The following NIN variants were observed in gnomAD, a reference collection of about 807,000 sequenced individuals.
NIN encodes glycogen synthase kinase 3 beta-interacting protein.
In NIN, 137 loss-of-function variants were observed where a neutral mutation model predicts 257.6. The ratio of observed to expected loss-of-function variants is 0.53; its 90% CI spans 0.46 to 0.61. NIN has a LOEUF of 0.61. Among genes scored for constraint, NIN ranks in the 20% least tolerant of loss-of-function variants. NIN has a pLI of 0.00. For missense variants in NIN, 2,439 were observed against 2,501.2 expected, an observed-to-expected ratio of 0.98 and a Z score of 0.53; for synonymous variants, 918 against 919.8, an observed-to-expected ratio of 1.00 and a Z score of 0.04.
upstream of NIN, among the ~76,000 whole-genome samples, chr14:50,831,365 C>A (rs990517733): frequency 2.1e-4 from 32 of 152,232 alleles, no homozygotes; most frequent in Non-Finnish European, 2.5e-4. Context: ...AGGAGGCTGG[C>A]GCCCCGAGGT....
Position 50,771,454 on chromosome 14 carries a change from G to C in NIN, c.996C>G (p.Ser332Arg). Residue 332 changes from serine to arginine, a missense_variant, in exon 10 of 31, where the codon AGC (serine) becomes AGG (arginine). Physicochemically the swap from Ser to Arg is moderately radical, Grantham distance 110. This residue lies in a region of NIN where 387 missense variants were observed against 427.3 expected (regional missense o/e 0.91). Coordinates refer to ENST00000530997, the MANE Select transcript of NIN (RefSeq NM_020921.4). ...SQEILKALDFSLDGNINLTEL... is the reference protein window; with the variant it reads ...SQEILKALDFRLDGNINLTEL... ...CTGTCAAATTGATGTTTCCATCGAG[G>C]CTGAAATCCAAGGCCTAGAAATCAG... 6.2e-7 allele frequency: 1 copy of C among 1,614,090 alleles called. No individual in the cohort carries two copies. Among genetic ancestry groups the C allele is most frequent in the South Asian group, 1.1e-5 (1 of 91,064 alleles).
rs189155478 is a variant in NIN at position 50,734,246 on chromosome 14, C to T, written c.5877+1270G>A. ...CTAGGATCACAGGTGCCCACCACCA[C>T]GCCCAGCTAATTTTTTTGTATTTTT... On this transcript the variant is annotated intron_variant, in intron 28 of 30. Transcript: ENST00000530997. 3.8e-4 allele frequency among the ~76,000 whole-genome samples: 58 copies of T among 152,054 alleles called. 1 individual carries two copies. The highest frequency in any genetic ancestry group is 2.4e-3 in the Admixed American group (36 of 15,268).
intron 25 of NIN, among the ~76,000 whole-genome samples, chr14:50,740,476 G>T (rs1322490861): frequency 6.6e-6 from 1 of 152,172 alleles, no homozygotes; most frequent in Non-Finnish European, 1.5e-5. Flanking sequence ...AGCCTCCCGA[G>T]TAGCTGGGAT....
At chr14:50,734,579 G>A (rs1162413486) in intron 28 of NIN, among the ~76,000 whole-genome samples, 1 of 152,208 alleles carries the variant, frequency 6.6e-6, no homozygotes, top group Non-Finnish European at 1.5e-5. Flanking sequence ...GTACACATAA[G>A]TTTGTTATAT....
intron 6 of NIN, among the ~76,000 whole-genome samples, chr14:50,777,469 G>A (rs761374089): frequency 1.3e-5 from 2 of 152,182 alleles, no homozygotes; most frequent in Non-Finnish European, 2.9e-5. Flanking sequence ...GAGAAAGAAG[G>A]CTGGTTGAGG....
chr14:50,780,992 C>A, intron 5 of NIN, among the ~76,000 whole-genome samples: 1 of 152,150 alleles, frequency 6.6e-6, no homozygotes. Flanking sequence ...CTTACATTCT[C>A]ATTTCTGGTC....
At chr14:50,758,651 G>C (rs751029419) in intron 17 of NIN, 21 bp from the exon 18 acceptor site, 1 of 1,525,530 alleles carries the variant, frequency 6.6e-7, no homozygotes, top group South Asian at 1.3e-5. Flanking sequence ...TCAACATACA[G>C]CATTATTGAA....
chr14:50,742,886 TAATA>T (rs1384176702), intron 24 of NIN, among the ~76,000 whole-genome samples: 2 of 152,248 alleles, frequency 1.3e-5, no homozygotes, highest in Non-Finnish European at 2.9e-5. Flanking sequence ...CCTTCATAAT[TAATA>T]AACTTTGATG....
At chr14:50,809,854 T>C (rs887878359) in intron 3 of NIN, among the ~76,000 whole-genome samples, 7 of 152,170 alleles carry the variant, frequency 4.6e-5, no homozygotes, top group Non-Finnish European at 8.8e-5. Context: ...GGAGTTTATT[T>C]CACAGCCTCA....
intron 4 of NIN, among the ~76,000 whole-genome samples, chr14:50,802,724 C>T (rs1222163551): frequency 6.6e-6 from 1 of 152,146 alleles, no homozygotes; most frequent in Non-Finnish European, 1.5e-5. Context: ...TTTTTCAGCA[C>T]AACCACTTTC....
In NIN at chr14:50,735,504, T is replaced by A. The variant is rs776874157; in HGVS notation, c.5877+12A>T. 3.7e-6 allele frequency: 6 copies of A among 1,612,296 alleles called. No homozygotes were observed. The African/African-American group carries it at 8.0e-5, about 22-fold the overall frequency. On this transcript the variant is annotated intron_variant, in intron 28 of 30. Transcript: ENST00000530997. ...ATTCTTCATAGCTAAGGCCATCTGC[T>A]GAGAAACTTACCTCCATGAGCTGCT...
At position 50,819,441 on chromosome 14, in the gene NIN, T is replaced by C. The variant is rs562808543; in HGVS notation, c.183+2433A>G. Among the ~76,000 whole-genome samples the C allele has an allele frequency of 3.9e-5, 6 of 152,290 alleles. No individual in the cohort carries two copies. In the South Asian group the frequency reaches 6.2e-4, roughly 16 times the overall value. On this transcript the variant is annotated intron_variant, in intron 3 of 30. Coordinates refer to ENST00000530997, the MANE Select transcript of NIN (RefSeq NM_020921.4). ...AGTGAATAAATCTCACGAGATCTGA[T>C]GGTTTTATAAGGGGTTTCCCCTTTT...
intron 30 of NIN, among the ~76,000 whole-genome samples, chr14:50,725,184 G>T (rs1457295780): frequency 6.6e-6 from 1 of 152,060 alleles, no homozygotes; most frequent in Non-Finnish European, 1.5e-5. Flanking sequence ...CCCTCTCTTG[G>T]GGTTGTTATT....
intron 3 of NIN, among the ~76,000 whole-genome samples, chr14:50,809,515 C>A (rs1314217596): frequency 3.3e-5 from 5 of 152,178 alleles, no homozygotes; most frequent in Non-Finnish European, 7.3e-5. Flanking sequence ...GAAGAAGGTT[C>A]TCTTTCAAAA....
chr14:50,799,511 C>T (rs1463214879), intron 4 of NIN, among the ~76,000 whole-genome samples: 1 of 152,146 alleles, frequency 6.6e-6, no homozygotes, highest in African/African-American at 2.4e-5. Context: ...TGACGTTATC[C>T]AGTTCGTCAC....
Position 50,757,620 on chromosome 14 carries a change from CCTT to C in NIN, c.3407_3409del (p.Glu1136del). 1 of 1,614,152 alleles carries C rather than the reference CCTT, an allele frequency of 6.2e-7. No individual in the cohort carries two copies. The stretch of plus-strand genomic sequence containing the variant: ...ACTTAGGACATGCCGCCTGGTCACA[CCTT>C]CTACTTGCTTCGTTCGGTTTTGCTG... On this transcript the variant is annotated inframe_deletion, in exon 18 of 31. Transcript: ENST00000530997.
chr14:50,789,322 C>G lies in NIN; in HGVS notation c.435+3390G>C, dbSNP rs1435721178. Reference sequence around the variant, plus strand: ...GGGAGCGGTGGCTCACGCCTGTAATCCCAGCACTTTGGGAGGCCGAGGCAG... The same window carrying G: ...GGGAGCGGTGGCTCACGCCTGTAATGCCAGCACTTTGGGAGGCCGAGGCAG... On this transcript the variant is annotated intron_variant, in intron 5 of 30. Coordinates refer to ENST00000530997, the MANE Select transcript of NIN (RefSeq NM_020921.4). Among the ~76,000 whole-genome samples the G allele has an allele frequency of 2.6e-5, 4 of 152,110 alleles. No homozygotes were observed. The East Asian group carries it at 7.7e-4, about 29-fold the overall frequency.
Position 50,758,475 on chromosome 14 carries a change from C to T in NIN, c.2555G>A (p.Arg852His), listed in dbSNP as rs773010615. Residue 852 changes from arginine to histidine, a missense_variant, in exon 18 of 31, where the codon CGT becomes CAT. By Grantham distance (29) the Arg-to-His change is conservative. Around this residue, in one of 3 missense-constraint regions of NIN, gnomAD observed 2,043 missense variants for 2,050.2 expected, o/e 1.00. Coordinates refer to ENST00000530997, the MANE Select transcript of NIN (RefSeq NM_020921.4). Reference protein sequence around the residue: ...QELKDLQEQQREEKSQWEFEK... With the variant: ...QELKDLQEQQHEEKSQWEFEK... ...AAATTCCCACTGGGATTTCTCCTCA[C>T]GCTGCTGTTCCTGGAGGTCCTTCAG... The T allele has an allele frequency of 1.1e-5, 17 of 1,614,214 alleles. No homozygotes were observed. In the East Asian group the frequency reaches 1.6e-4, roughly 15 times the overall value.
In NIN at chr14:50,791,807, G is replaced by GCACACACAAACACACACACACA. The variant is rs57083345; in HGVS notation, c.435+904_435+905insTGTGTGTGTGTGTTTGTGTGTG. ...CCACAATGAACACACAGGTGCACGC[G>GCACACACAAACACACACACACA]CACACACACACACACACACACACAC... On this transcript the variant is annotated intron_variant, in intron 5 of 30. Coordinates refer to ENST00000530997, the MANE Select transcript of NIN (RefSeq NM_020921.4). Among the ~76,000 whole-genome samples the GCACACACAAACACACACACACA allele has an allele frequency of 1.3e-3, 149 of 116,770 alleles. 2 individuals carry two copies. The highest frequency in any genetic ancestry group is 5.2e-3 in the African/African-American group (120 of 23,092). The allele number at this position is 116,770 out of a possible 152,430, so 76.6% of individuals were successfully genotyped here.
Sources: gnomAD v4.1 joint callset for allele counts (sites outside exome capture counted in the v4.1 genomes callset) on GRCh38, gnomAD v4.1.1 for gene constraint, gnomAD v4.1.1 regional missense constraint, MANE v1.5 for transcripts, NCBI Gene and HGNC (gene_info 2026-07-23, HGNC 2026-07-21) for gene names.